The following RNASET2 variants were observed in gnomAD, a reference collection of about 807,000 sequenced individuals.
RNASET2 encodes ribonuclease 6.
Under a neutral mutation model 33.9 loss-of-function variants are expected in RNASET2, and 28 were observed. The observed-to-expected ratio is 0.83, with a 90% CI of 0.61 to 1.13. The LOEUF (loss-of-function observed/expected upper bound fraction) is 1.13. Among genes scored for constraint, RNASET2 ranks in the 50% most tolerant of loss-of-function variants. RNASET2 has a pLI of 0.00. For missense variants in RNASET2, 330 were observed against 319.9 expected (o/e 1.03, Z -0.24); for synonymous variants, 123 against 121.0 (o/e 1.02, Z -0.11).
At chr6:166,948,018 T>A (rs149528685) in intron 3 of RNASET2, among the ~76,000 whole-genome samples, 1 of 152,164 alleles carries the variant, frequency 6.6e-6, no homozygotes, top group Non-Finnish European at 1.5e-5. Flanking sequence ...GTAGTGACCC[T>A]GACATGTACC....
chr6:166,930,659 G>T (rs962129860), intron 8 of RNASET2, among the ~76,000 whole-genome samples: 10 of 141,660 alleles, frequency 7.1e-5, no homozygotes, highest in African/African-American at 2.7e-4. Context: ...TGCACACACA[G>T]CACATGCGCA....
At chr6:166,955,298 G>A (rs1442856482) in intron 1 of RNASET2, among the ~76,000 whole-genome samples, 11 of 31,942 alleles carry the variant, frequency 3.4e-4, no homozygotes, top group African/African-American at 1.8e-3. Flanking sequence ...ACGCACAGAC[G>A]CGCACACACG....
At chr6:166,937,285 C>T (rs1481697232) in intron 6 of RNASET2, among the ~76,000 whole-genome samples, 1 of 152,100 alleles carries the variant, frequency 6.6e-6, no homozygotes. Flanking sequence ...TACAGGCATG[C>T]ACCACCACAC....
chr6:166,949,406 CAGG>C (rs1778928640), intron 2 of RNASET2, among the ~76,000 whole-genome samples: 1 of 140,966 alleles, frequency 7.1e-6, no homozygotes, highest in East Asian at 2.1e-4. Context: ...GAGGCTGAGG[CAGG>C]AGAATAGCTT....
At chr6:166,951,494 GTCAGC>G (rs1184795511) in intron 2 of RNASET2, among the ~76,000 whole-genome samples, 3 of 152,222 alleles carry the variant, frequency 2.0e-5, no homozygotes, top group Non-Finnish European at 4.4e-5. Context: ...CTAGACCGAG[GTCAGC>G]TAAGTAATGG....
At chr6:166,951,593 T>A (rs1017210996) in intron 2 of RNASET2, among the ~76,000 whole-genome samples, 9 of 152,254 alleles carry the variant, frequency 5.9e-5, no homozygotes, top group Admixed American at 2.6e-4. Context: ...CTCACACTTG[T>A]CTTCTGGTCA....
In RNASET2 at chr6:166,930,501, C is replaced by T. The variant is rs370150946; in HGVS notation, c.567+543G>A. On this transcript the variant is annotated intron_variant, in intron 8 of 8. Transcript: ENST00000508775. ...CACACACGCACATGCCCACACAGCA[C>T]GTTCACATGCATGCACACATTCACA... is the stretch of plus-strand genomic sequence containing the variant. Among the ~76,000 whole-genome samples, 185 of 149,206 alleles carry T rather than the reference C, an allele frequency of 1.2e-3. 1 individual carries two copies. Among genetic ancestry groups the T allele is most frequent in the East Asian group, 2.2e-3 (11 of 4,982 alleles).
chr6:166,929,536 G>A lies in RNASET2; in HGVS notation c.*52C>T. 1.3e-6 allele frequency: 2 copies of A among 1,579,850 alleles called. No individual in the cohort carries two copies. The highest frequency in any genetic ancestry group is 1.7e-6 in the Non-Finnish European group (2 of 1,148,910). On this transcript the variant is annotated 3_prime_UTR_variant, in exon 9 of 9. Transcript: ENST00000508775. ...TGGAGTTGTTTTTTAGAAAGCTGCA[G>A]TTTGTGAATTTCTCTTGCTTTTTAA...
Position 166,955,289 on chromosome 6 carries a change from C to G in RNASET2, c.86+808G>C, listed in dbSNP as rs1473058638. ...CACACACGCGCACACACGACACACA[C>G]GCACAGACGCGCACACACGACACAC... On this transcript the variant is annotated intron_variant, in intron 1 of 8. Transcript: ENST00000508775. Among the ~76,000 whole-genome samples, 3 of 68,980 alleles carry G rather than the reference C, an allele frequency of 4.3e-5. No homozygotes were observed. In the South Asian group the frequency reaches 2.1e-3, roughly 49 times the overall value. 45.3% of individuals were successfully genotyped at this position (68,980 alleles called of 152,430 possible).
At chr6:166,955,668 A>AC in intron 1 of RNASET2, 2 of 1,043,252 alleles carry the variant, frequency 1.9e-6, no homozygotes, top group Non-Finnish European at 2.3e-6. Flanking sequence ...GCTGGAGTGT[A>AC]CCCAGGACCT....
intron 8 of RNASET2, among the ~76,000 whole-genome samples, chr6:166,930,589 A>G (rs1296917895): frequency 6.7e-6 from 1 of 149,356 alleles, no homozygotes; most frequent in African/African-American, 2.5e-5. Flanking sequence ...GCACACACAC[A>G]GCACATGCAC....
At chr6:166,930,911 A>G (rs1297422053) in intron 8 of RNASET2, 133 bp downstream of exon 8, 2 of 755,572 alleles carry the variant, frequency 2.6e-6, no homozygotes, top group Non-Finnish European at 4.8e-6. Context: ...CACACACCAC[A>G]TGCCCACATA....
At position 166,929,473 on chromosome 6, in the gene RNASET2, G is replaced by T; in HGVS notation, c.*115C>A. On this transcript the variant is annotated 3_prime_UTR_variant, in exon 9 of 9. Coordinates refer to ENST00000508775, the MANE Select transcript of RNASET2 (RefSeq NM_003730.6). ...AGGGACCACAACATCCAATTCACAG[G>T]CATGGAGGGGAAACAGCAAAATAAA... 3 of 1,078,502 alleles carry T rather than the reference G, an allele frequency of 2.8e-6. No individual in the cohort carries two copies. Among genetic ancestry groups the T allele is most frequent in the Non-Finnish European group, 4.3e-6 (3 of 702,658 alleles). 66.8% of individuals were successfully genotyped at this position (1,078,502 alleles called of 1,614,324 possible). A position where few individuals can be genotyped will look rare whatever the true frequency, so the allele number is the denominator to read the frequency against.
intron 1 of RNASET2, among the ~76,000 whole-genome samples, chr6:166,954,011 T>C (rs564375583): frequency 6.6e-6 from 1 of 152,118 alleles, no homozygotes; most frequent in East Asian, 1.9e-4. Context: ...CCCAGGAAGA[T>C]GAGACTATCA....
chr6:166,934,097 G>C lies in RNASET2; in HGVS notation c.486C>G (p.Tyr162Ter). ...LKLGIKPSIN[Y>*]YQVADFKDAL... The stretch of plus-strand genomic sequence containing the variant: ...AAGCAAAAGCAAGACTTACTTGGTA[G>C]TAATTGATGGATGGTTTTATCCCCA... The change falls in exon 7 of 9, where the codon TAC (tyrosine) becomes TAG (stop). Residue 162 changes from tyrosine to a stop codon, truncating the protein, a stop_gained. Transcript: ENST00000508775. LOFTEE classifies it high-confidence loss of function. 6.2e-7 allele frequency: 1 copy of C among 1,609,614 alleles called. No homozygotes were observed. The highest frequency in any genetic ancestry group is 8.5e-7 in the Non-Finnish European group (1 of 1,175,950).
At position 166,933,773 on chromosome 6, in the gene RNASET2, T is replaced by C. The variant is rs1454280494; in HGVS notation, c.492+318A>G. 1 of 389,622 alleles carries C rather than the reference T, an allele frequency of 2.6e-6. No homozygotes were observed. The highest frequency in any genetic ancestry group is 4.6e-6 in the Non-Finnish European group (1 of 216,808). The allele number at this position is 389,622 out of a possible 1,614,324, so 24.1% of individuals were successfully genotyped here. A position where few individuals can be genotyped will look rare whatever the true frequency, so the allele number is the denominator to read the frequency against. On this transcript the variant is annotated intron_variant, in intron 7 of 8. Coordinates refer to ENST00000508775, the MANE Select transcript of RNASET2 (RefSeq NM_003730.6). This position sits in a 1 kb window ranked among gnomAD's most constrained non-coding sequence, Gnocchi z 4.1. The stretch of plus-strand genomic sequence containing the variant: ...CATGAAAACAAACCACAAACAAATA[T>C]AAGACTACGTTATAAAAGTGAATGT...
At chr6:166,931,172 C>CA in intron 7 of RNASET2, 54 bp from the exon 8 acceptor site, 1 of 1,247,078 alleles carries the variant, frequency 8.0e-7, no homozygotes, top group South Asian at 1.2e-5. Flanking sequence ...AAAGATCTGA[C>CA]AGTTCTGGAC....
chr6:166,950,609 C>T (rs1778960396), intron 2 of RNASET2, among the ~76,000 whole-genome samples: 1 of 152,212 alleles, frequency 6.6e-6, no homozygotes. Context: ...GCAATGCACA[C>T]CAGGGTCAGC....
chr6:166,935,759 C>T (rs1180061897), intron 6 of RNASET2, among the ~76,000 whole-genome samples: 3 of 152,162 alleles, frequency 2.0e-5, no homozygotes, highest in African/African-American at 7.2e-5. Flanking sequence ...CTCACTGCAA[C>T]CTCCGCCTCC....
Sources: gnomAD v4.1 joint callset for allele counts (sites outside exome capture counted in the v4.1 genomes callset) on GRCh38, gnomAD v4.1.1 for gene constraint, Gnocchi (gnomAD v3.1) non-coding constraint, MANE v1.5 for transcripts, NCBI Gene and HGNC (gene_info 2026-07-23, HGNC 2026-07-21) for gene names.